Variants in PLCG2 observed in about 807,000 individuals in gnomAD.
PLCG2 encodes phospholipase C gamma 2.
PLCG2 carries 69 observed loss-of-function variants against 175.6 expected under a neutral mutation model. That is an observed-to-expected ratio of 0.39 (90% CI 0.32 to 0.48). The LOEUF is 0.48. Ranked by LOEUF, PLCG2 falls within the 20% of genes least tolerant of loss-of-function variation. The pLI, the probability that PLCG2 is intolerant of heterozygous loss-of-function variation, is 0.91. For missense variants in PLCG2, 1,798 were observed against 1,650.9 expected (o/e 1.09, Z -1.54); for synonymous variants, 827 against 624.0 (o/e 1.33, Z -4.85).
intron 2 of PLCG2, among the ~76,000 whole-genome samples, chr16:81,789,695 T>TTA (rs1255503901): frequency 2.0e-5 from 3 of 152,214 alleles, no homozygotes; most frequent in African/African-American, 7.2e-5. Flanking sequence ...GGGCGTATTA[T>TTA]TATAATAAGT....
intron 2 of PLCG2, among the ~76,000 whole-genome samples, chr16:81,814,701 A>C (rs981717394): frequency 2.7e-5 from 4 of 150,872 alleles, no homozygotes; most frequent in Admixed American, 1.3e-4. Flanking sequence ...TCTCAAAAGA[A>C]AAAAAAAAGA....
chr16:81,772,311 G>C (rs1311015790), intron 2 of PLCG2, among the ~76,000 whole-genome samples: 1 of 152,134 alleles, frequency 6.6e-6, no homozygotes, highest in Non-Finnish European at 1.5e-5. Flanking sequence ...CGGGAGAAAG[G>C]CGTGGGGCAG....
intron 2 of PLCG2, among the ~76,000 whole-genome samples, chr16:81,824,288 C>T (rs756800843): frequency 1.3e-5 from 2 of 152,186 alleles, no homozygotes; most frequent in African/African-American, 4.8e-5. Context: ...CATGCGTCAC[C>T]ACACCTGGCT....
intron 7 of PLCG2, 141 bp downstream of exon 7, chr16:81,871,076 A>C: frequency 3.7e-6 from 2 of 533,542 alleles, no homozygotes; most frequent in Non-Finnish European, 6.6e-6. Flanking sequence ...TGATGAAAGC[A>C]TACCATTTTC....
intron 3 of PLCG2, among the ~76,000 whole-genome samples, chr16:81,854,936 C>T (rs1047298418): frequency 3.3e-5 from 5 of 152,032 alleles, no homozygotes; most frequent in African/African-American, 9.7e-5. Context: ...GAAAAATGTA[C>T]GCTGGGCTCA....
chr16:81,781,654 C>T (rs566058018), intron 1 of PLCG2, among the ~76,000 whole-genome samples: 2 of 152,286 alleles, frequency 1.3e-5, no homozygotes, highest in African/African-American at 4.8e-5. Context: ...TCTAATGCTG[C>T]AGGGTGGGTG....
At chr16:81,831,001 C>A (rs764267775) in intron 2 of PLCG2, among the ~76,000 whole-genome samples, 4 of 152,142 alleles carry the variant, frequency 2.6e-5, no homozygotes, top group Non-Finnish European at 5.9e-5. Flanking sequence ...ATACACATTT[C>A]CATCTTGGGG....
chr16:81,795,582 G>A (rs569254909), intron 2 of PLCG2, among the ~76,000 whole-genome samples: 5 of 152,276 alleles, frequency 3.3e-5, no homozygotes, highest in East Asian at 1.9e-4. Context: ...GGAGGCTACC[G>A]CAGGATCCTT....
Position 81,923,654 on chromosome 16 carries a change from G to A in PLCG2, c.2417+60G>A. On this transcript the variant is annotated intron_variant, in intron 22 of 32. Coordinates refer to ENST00000564138, the MANE Select transcript of PLCG2 (RefSeq NM_002661.5). ...TGGGCTTGACTTGTCCCTTCTTGGT[G>A]ATAAGACTCAGGTGCTGGCCAAGTC... 3.8e-6 allele frequency: 4 copies of A among 1,046,554 alleles called. No individual in the cohort carries two copies. In the Admixed American group the frequency reaches 5.8e-5, roughly 15 times the overall value. The allele number at this position is 1,046,554 out of a possible 1,614,324, so 64.8% of individuals were successfully genotyped here.
At chr16:81,763,217 A>G (rs939884182) in intron 2 of PLCG2, among the ~76,000 whole-genome samples, 4 of 152,372 alleles carry the variant, frequency 2.6e-5, no homozygotes, top group South Asian at 2.1e-4. Flanking sequence ...ACTGCCGCAG[A>G]TGATTCTGCT....
chr16:81,942,341 C>CA (rs1910977025), intron 30 of PLCG2, among the ~76,000 whole-genome samples: 1 of 152,176 alleles, frequency 6.6e-6, no homozygotes, highest in African/African-American at 2.4e-5. Flanking sequence ...AAACAAAGGT[C>CA]AAAACCTCAA....
rs373867673 is a variant in PLCG2 at position 81,809,789 on chromosome 16, G to T, written c.193+23607G>T. Among the ~76,000 whole-genome samples, 3 of 130,016 alleles carry T rather than the reference G, an allele frequency of 2.3e-5. No homozygotes were observed. In the East Asian group the frequency reaches 7.3e-4, roughly 31 times the overall value. 85.3% of individuals were successfully genotyped at this position (130,016 alleles called of 152,430 possible). A position where few individuals can be genotyped will look rare whatever the true frequency, so the allele number is the denominator to read the frequency against. ...TCTAGAGGGAGTGTCTGATGTCCCA[G>T]TTATTGCTGCCCTCAGCAGAGTCAG... is the stretch of plus-strand genomic sequence containing the variant. On this transcript the variant is annotated intron_variant, in intron 2 of 32. Transcript: ENST00000564138.
rs563795527 is a variant in PLCG2, at chr16:81,785,936, C to G, written c.-47-7C>G. 2 of 1,540,368 alleles carry G rather than the reference C, an allele frequency of 1.3e-6. No homozygotes were observed. Among genetic ancestry groups the G allele is most frequent in the African/African-American group, 1.4e-5 (1 of 73,284 alleles). ...AATCAGTTCACTCTTTAATTCTGCC[C>G]TTTCAGCTTCCTGATTTCTCCCGAT... On this transcript the variant is annotated splice_polypyrimidine_tract_variant and splice_region_variant and intron_variant, in intron 1 of 32. Transcript: ENST00000564138.
At chr16:81,810,820 A>G (rs945450620) in intron 2 of PLCG2, among the ~76,000 whole-genome samples, 1 of 152,182 alleles carries the variant, frequency 6.6e-6, no homozygotes, top group South Asian at 2.1e-4. Flanking sequence ...CTTTAATTTC[A>G]TCGACCTTAT....
At position 81,956,679 on chromosome 16, in the gene PLCG2, C is replaced by G. The variant is rs1209272419; in HGVS notation, c.3571-16C>G. The stretch of plus-strand genomic sequence containing the variant: ...TGTAGTCACCACATGGTTGTTCTCT[C>G]CCCTGCATCCTCCAGGAGAGCGAAG... On this transcript the variant is annotated splice_polypyrimidine_tract_variant and intron_variant, in intron 31 of 32. Transcript: ENST00000564138. 20 of 1,610,812 alleles carry G rather than the reference C, an allele frequency of 1.2e-5. No individual in the cohort carries two copies. The highest frequency in any genetic ancestry group is 1.7e-5 in the Non-Finnish European group (20 of 1,178,456).
At chr16:81,796,787 C>G (rs1368302615) in intron 2 of PLCG2, among the ~76,000 whole-genome samples, 1 of 152,200 alleles carries the variant, frequency 6.6e-6, no homozygotes. Flanking sequence ...GGTGCTCCCT[C>G]AGGAGGAACC....
chr16:81,856,190 C>T lies in PLCG2; in HGVS notation c.337+1603C>T, dbSNP rs139186738. Among the ~76,000 whole-genome samples, 31 of 152,286 alleles carry T rather than the reference C, an allele frequency of 2.0e-4. No individual in the cohort carries two copies. The East Asian group carries it at 3.7e-3, about 18-fold the overall frequency. ...AGCCCTTCAGAGCCTCAGTTTCCTC[C>T]GCATCTGTGTGGGAAGATGAGAGCA... is the stretch of plus-strand genomic sequence containing the variant. On this transcript the variant is annotated intron_variant, in intron 3 of 32. Transcript: ENST00000564138.
intron 2 of PLCG2, among the ~76,000 whole-genome samples, chr16:81,823,435 TG>T (rs956124978): frequency 1.3e-4 from 20 of 152,008 alleles, no homozygotes; most frequent in African/African-American, 4.8e-4. Flanking sequence ...GAAGATTGAG[TG>T]GGGGTAGGGG....
intron 1 of PLCG2, among the ~76,000 whole-genome samples, chr16:81,745,315 C>T (rs1000322841): frequency 2.0e-5 from 3 of 152,186 alleles, no homozygotes; most frequent in Non-Finnish European, 4.4e-5. Context: ...CTTGGATGAC[C>T]TGTGGCCACA....
Sources: allele counts gnomAD v4.1 joint callset (sites outside exome capture counted in the v4.1 genomes callset), GRCh38; gene constraint gnomAD v4.1.1; transcripts MANE v1.5; gene names NCBI Gene and HGNC (gene_info 2026-07-23, HGNC 2026-07-21).